RAD23B: variants seen among roughly 807,000 people sequenced by gnomAD.
RAD23B encodes lysine-specific demethylase RAD23B.
RAD23B carries 5 observed loss-of-function variants against 49.1 expected under a neutral mutation model. The observed-to-expected ratio is 0.10, with a 90% CI of 0.05 to 0.21. The LOEUF (loss-of-function observed/expected upper bound fraction) is 0.21, where lower values mean the gene tolerates loss of function less well. RAD23B is among the 10% of genes least tolerant of loss of function. RAD23B has a pLI of 1.00. For missense variants in RAD23B, 356 were observed against 486.7 expected (o/e 0.73, Z 2.53); for synonymous variants, 184 against 165.4 (o/e 1.11, Z -0.86).
At chr9:107,321,781 T>C (rs985404442) in intron 6 of RAD23B, among the ~76,000 whole-genome samples, 2 of 152,154 alleles carry the variant, frequency 1.3e-5, no homozygotes, top group African/African-American at 4.8e-5. Flanking sequence ...GCAATGTGGG[T>C]TTTTCTATAA....
chr9:107,300,513 A>G (rs778513532), intron 2 of RAD23B, among the ~76,000 whole-genome samples: 4 of 151,834 alleles, frequency 2.6e-5, no homozygotes, highest in Non-Finnish European at 4.4e-5. Flanking sequence ...TTTAAATTGA[A>G]TTGAAACCAT....
intron 5 of RAD23B, among the ~76,000 whole-genome samples, chr9:107,317,091 C>T (rs1043420333): frequency 1.1e-4 from 6 of 54,148 alleles, no homozygotes; most frequent in African/African-American, 8.1e-4. Context: ...TGCGCACACG[C>T]GTGCGTGTGT....
intron 6 of RAD23B, among the ~76,000 whole-genome samples, chr9:107,321,571 A>G (rs1488958599): frequency 6.6e-6 from 1 of 152,192 alleles, no homozygotes; most frequent in Non-Finnish European, 1.5e-5. Context: ...AAAGATTTCT[A>G]AGAAGTTAAA....
chr9:107,283,756 T>G, intron 1 of RAD23B, 61 bp downstream of exon 1: 1 of 1,310,926 alleles, frequency 7.6e-7, no homozygotes. Context: ...CGCCAGGAGC[T>G]CGTGGGGCCG....
At position 107,321,988 on chromosome 9, in the gene RAD23B, C is replaced by T. The variant is rs1245218422; in HGVS notation, c.687C>T (p.Ile229=). 3.7e-6 allele frequency: 6 copies of T among 1,606,646 alleles called. No homozygotes were observed. In the Admixed American group the frequency reaches 8.6e-5, roughly 23 times the overall value. The change falls in exon 7 of 10, where the codon ATC becomes ATT. Residue 229 remains isoleucine (I), a synonymous_variant. Transcript: ENST00000358015. ...DRAVEYLLMG[I]PGDRESQAVV... ...GCTTGGAAATTCTATTACAGGGAAT[C>T]CCTGGAGATAGAGAAAGTCAGGCTG...
intron 5 of RAD23B, among the ~76,000 whole-genome samples, chr9:107,315,243 G>C (rs574567413): frequency 6.6e-6 from 1 of 152,152 alleles, no homozygotes; most frequent in East Asian, 1.9e-4. Flanking sequence ...CCTTTCCCCG[G>C]TGTATGTTTT....
intron 1 of RAD23B, among the ~76,000 whole-genome samples, chr9:107,296,001 A>G (rs942339234): frequency 6.6e-6 from 1 of 152,238 alleles, no homozygotes; most frequent in Non-Finnish European, 1.5e-5. Flanking sequence ...TTCAAGAGCA[A>G]GTATAGTGAA....
At chr9:107,323,616 AC>A (rs1403474887) in intron 7 of RAD23B, among the ~76,000 whole-genome samples, 3 of 152,176 alleles carry the variant, frequency 2.0e-5, no homozygotes, top group African/African-American at 7.2e-5. Context: ...TTATTTTATA[AC>A]GTTGAGTGCC....
At chr9:107,306,688 G>T (rs775954863) in intron 4 of RAD23B, 41 bp downstream of exon 4, 8 of 1,569,944 alleles carry the variant, frequency 5.1e-6, no homozygotes, top group Non-Finnish European at 6.9e-6. Flanking sequence ...CAAAATCCGT[G>T]TTTAACAGGA....
At chr9:107,284,117 C>G in intron 1 of RAD23B, 3 of 996,616 alleles carry the variant, frequency 3.0e-6, no homozygotes, top group Non-Finnish European at 3.6e-6. Context: ...CGCTTAGTTC[C>G]CAGAGTTGGT....
At chr9:107,288,472 GT>G (rs1833319661) in intron 1 of RAD23B, among the ~76,000 whole-genome samples, 1 of 152,178 alleles carries the variant, frequency 6.6e-6, no homozygotes, top group African/African-American at 2.4e-5. Context: ...TTGAGATGCA[GT>G]CTTACTCTGT....
intron 4 of RAD23B, among the ~76,000 whole-genome samples, chr9:107,310,467 A>G (rs1435264951): frequency 6.6e-6 from 1 of 152,226 alleles, no homozygotes; most frequent in Non-Finnish European, 1.5e-5. Context: ...CACATTTGGG[A>G]AGAAATTGAA....
chr9:107,306,223 T>C (rs561615905), intron 3 of RAD23B, among the ~76,000 whole-genome samples, 156 bp from the exon 4 acceptor site: 171 of 151,952 alleles, frequency 1.1e-3, no homozygotes, highest in Non-Finnish European at 1.8e-3. Flanking sequence ...AGATTGTTAA[T>C]ATTGATCATT....
chr9:107,330,913 T>G lies in RAD23B; in HGVS notation c.*1257T>G, dbSNP rs540992998. 5.0e-4 allele frequency: 76 copies of G among 152,766 alleles called. No individual in the cohort carries two copies. Among genetic ancestry groups the G allele is most frequent in the African/African-American group, 1.6e-3 (68 of 41,576 alleles). The allele number at this position is 152,766 out of a possible 1,614,324, so 9.5% of individuals were successfully genotyped here. A position where few individuals can be genotyped will look rare whatever the true frequency, so the allele number is the denominator to read the frequency against. On this transcript the variant is annotated 3_prime_UTR_variant, in exon 10 of 10. Coordinates refer to ENST00000358015, the MANE Select transcript of RAD23B (RefSeq NM_002874.5). This position sits in a 1 kb window ranked among gnomAD's most constrained non-coding sequence, Gnocchi z 4.4. ...ATAGCAGTGTTGGCTTTTATTTGGA[T>G]TTTTTCATCTCAGTTTTTTCTGTGG...
intron 1 of RAD23B, among the ~76,000 whole-genome samples, chr9:107,288,516 G>A (rs1833320446): frequency 6.6e-6 from 1 of 152,286 alleles, no homozygotes; most frequent in East Asian, 1.9e-4. Context: ...CGCCATCTTG[G>A]CTCACTGCAG....
chr9:107,328,490 C>T (rs1319033532), intron 9 of RAD23B, among the ~76,000 whole-genome samples: 2 of 152,184 alleles, frequency 1.3e-5, no homozygotes, highest in East Asian at 3.8e-4. Context: ...ATACGGAGCA[C>T]AGACCCTAGA....
At chr9:107,316,800 A>C (rs1211939953) in intron 5 of RAD23B, among the ~76,000 whole-genome samples, 1 of 151,824 alleles carries the variant, frequency 6.6e-6, no homozygotes, top group East Asian at 1.9e-4. Flanking sequence ...CAGTTGGGGC[A>C]AGAAAAAAAT....
At chr9:107,309,855 C>T (rs373176534) in intron 4 of RAD23B, among the ~76,000 whole-genome samples, 10 of 147,050 alleles carry the variant, frequency 6.8e-5, no homozygotes, top group Admixed American at 6.3e-4. Context: ...GGCGTGAACC[C>T]GGGAGGTGGA....
chr9:107,290,540 C>A (rs1833362585), intron 1 of RAD23B, among the ~76,000 whole-genome samples: 1 of 152,162 alleles, frequency 6.6e-6, no homozygotes, highest in Admixed American at 6.5e-5. Context: ...AGGGAGTCCT[C>A]ACAACTTTGT....
Sources: allele counts gnomAD v4.1 joint callset (sites outside exome capture counted in the v4.1 genomes callset), GRCh38; gene constraint gnomAD v4.1.1; non-coding constraint Gnocchi (gnomAD v3.1); transcripts MANE v1.5; gene names NCBI Gene and HGNC (gene_info 2026-07-23, HGNC 2026-07-21).